Variants in LUC7L3 observed in about 807,000 individuals in gnomAD.
The protein encoded by LUC7L3 is luc7-like protein 3.
A neutral mutation model predicts 66.8 loss-of-function variants in LUC7L3; 6 were observed. The observed-to-expected ratio is 0.09, with a 90% CI of 0.05 to 0.18. The LOEUF (loss-of-function observed/expected upper bound fraction) is 0.18. Ranked by LOEUF, LUC7L3 falls within the 10% of genes least tolerant of loss-of-function variation. LUC7L3 has a pLI of 1.00. For synonymous variants in LUC7L3, 160 were observed against 174.7 expected (o/e 0.92, Z 0.66); for missense variants, 341 against 531.1 (o/e 0.64, Z 3.52).
At chr17:50,728,049 C>T (rs1014268859) in intron 1 of LUC7L3, among the ~76,000 whole-genome samples, 3 of 148,710 alleles carry the variant, frequency 2.0e-5, no homozygotes, top group East Asian at 2.0e-4. Context: ...ACCCGGGAGG[C>T]GGAGCTTGCA....
rs963125115 is a variant in LUC7L3, at chr17:50,755,810, C to T, written c.*5149C>T. 2.6e-5 allele frequency: 4 copies of T among 152,276 alleles called. No homozygotes were observed. The highest frequency in any genetic ancestry group is 2.1e-4 in the South Asian group (1 of 4,830). 9.4% of individuals were successfully genotyped at this position (152,276 alleles called of 1,614,324 possible). On this transcript the variant is annotated 3_prime_UTR_variant, in exon 10 of 10. Coordinates refer to ENST00000505658, the MANE Select transcript of LUC7L3 (RefSeq NM_016424.5). ...AAAAGAAGAAAAAACCCGGGAAGAT[C>T]CCAAGTGTCCACCAACAGTGTGTTG...
At chr17:50,720,090 A>G (rs1968640474) in intron 1 of LUC7L3, among the ~76,000 whole-genome samples, 1 of 152,232 alleles carries the variant, frequency 6.6e-6, no homozygotes, top group African/African-American at 2.4e-5. Flanking sequence ...AGGCGGGGAA[A>G]CGCGGGAAAG....
rs150843533 is a variant in LUC7L3, at chr17:50,727,106, G to C, written c.99+7275G>C. On this transcript the variant is annotated intron_variant, in intron 1 of 9. Transcript: ENST00000505658. ...TTTGTCTCAAAAAAAAAAGAATACA[G>C]TATATAATACAAATAATATACAAAA... Among the ~76,000 whole-genome samples, 1,120 of 152,090 alleles carry C rather than the reference G, an allele frequency of 7.4e-3. 12 individuals carry two copies. Among genetic ancestry groups the C allele is most frequent in the African/African-American group, 0.025 (1,024 of 41,520 alleles).
At chr17:50,730,573 T>G (rs1969536177) in intron 1 of LUC7L3, among the ~76,000 whole-genome samples, 1 of 149,264 alleles carries the variant, frequency 6.7e-6, no homozygotes, top group Non-Finnish European at 1.5e-5. Flanking sequence ...TTGAAAATAT[T>G]TGATTAGCTC....
At chr17:50,727,655 A>C (rs1487939566) in intron 1 of LUC7L3, among the ~76,000 whole-genome samples, 2 of 152,164 alleles carry the variant, frequency 1.3e-5, no homozygotes, top group African/African-American at 2.4e-5. Context: ...GATTGGCAGG[A>C]ATTAGCCTGA....
At chr17:50,724,273 A>C (rs192214188) in intron 1 of LUC7L3, 129 of 169,416 alleles carry the variant, frequency 7.6e-4, no homozygotes, top group African/African-American at 3.0e-3. Context: ...TGTAATCTCA[A>C]CATTGGGAGG....
At chr17:50,729,894 CATTATATA>C (rs1202812798) in intron 1 of LUC7L3, among the ~76,000 whole-genome samples, 5 of 103,290 alleles carry the variant, frequency 4.8e-5, no homozygotes, top group Non-Finnish European at 7.3e-5. Flanking sequence ...AATATAAATA[CATTATATA>C]TATATATATA....
intron 1 of LUC7L3, among the ~76,000 whole-genome samples, 162 bp downstream of exon 1, chr17:50,719,993 C>A (rs1406157405): frequency 1.3e-5 from 2 of 152,184 alleles, no homozygotes; most frequent in Non-Finnish European, 2.9e-5. Context: ...GCTGTCCGGA[C>A]CCGGGGATGG....
intron 1 of LUC7L3, among the ~76,000 whole-genome samples, chr17:50,732,824 C>T (rs1186852783): frequency 6.6e-6 from 1 of 152,166 alleles, no homozygotes; most frequent in Non-Finnish European, 1.5e-5. Flanking sequence ...GCCACCTCCA[C>T]CTTTGAGGCT....
In LUC7L3 at chr17:50,736,941, C is replaced by G. The variant is rs1414186982; in HGVS notation, c.100-19C>G. ...TAAAACCAAGCAATTTTTTAAGTAC[C>G]TTTGTTTTTCTTTACTAGGTTTGTA... On this transcript the variant is annotated intron_variant, in intron 1 of 9. Coordinates refer to ENST00000505658, the MANE Select transcript of LUC7L3 (RefSeq NM_016424.5). 3 of 1,568,060 alleles carry G rather than the reference C, an allele frequency of 1.9e-6. No homozygotes were observed. Among genetic ancestry groups the G allele is most frequent in the Non-Finnish European group, 2.6e-6 (3 of 1,144,996 alleles).
chr17:50,751,081 T>C lies in LUC7L3; in HGVS notation c.*420T>C. On this transcript the variant is annotated 3_prime_UTR_variant, in exon 10 of 10. Coordinates refer to ENST00000505658, the MANE Select transcript of LUC7L3 (RefSeq NM_016424.5). ...TTGTGTTGGTACATTGGCAGAGACA[T>C]ATGCTTTAAAAACTTAAATATTTCG... The C allele has an allele frequency of 6.9e-7, 1 of 1,442,264 alleles. No homozygotes were observed. Among genetic ancestry groups the C allele is most frequent in the East Asian group, 2.5e-5 (1 of 40,124 alleles). 89.3% of individuals were successfully genotyped at this position (1,442,264 alleles called of 1,614,324 possible).
chr17:50,740,334 T>G lies in LUC7L3; in HGVS notation c.195T>G (p.Asn65Lys). 1.2e-6 allele frequency: 2 copies of G among 1,606,712 alleles called. No individual in the cohort carries two copies. The highest frequency in any genetic ancestry group is 2.2e-5 in the South Asian group (2 of 89,292). ...LGPCEKIHDE[N>K]LRKQYEKSSR... Reference sequence around the variant, plus strand: ...CGTGTGAAAAAATTCATGATGAAAATCTACGAAAACAGTAAGTTATTTTGC... The same window carrying G: ...CGTGTGAAAAAATTCATGATGAAAAGCTACGAAAACAGTAAGTTATTTTGC... Residue 65 changes from asparagine (N) to lysine (K), a missense_variant, in exon 3 of 10, where the codon AAT (asparagine) becomes AAG (lysine). By Grantham distance (94) the Asn-to-Lys change is moderately conservative. Coordinates refer to ENST00000505658, the MANE Select transcript of LUC7L3 (RefSeq NM_016424.5).
chr17:50,748,848 T>A (rs1597944201), intron 9 of LUC7L3, among the ~76,000 whole-genome samples: 1 of 151,408 alleles, frequency 6.6e-6, no homozygotes, highest in Non-Finnish European at 1.5e-5. Context: ...AAAAATAAAT[T>A]AATTAAAATC....
At chr17:50,746,766 T>C (rs879047812) in intron 9 of LUC7L3, 64 bp downstream of exon 9, 3 of 1,442,284 alleles carry the variant, frequency 2.1e-6, no homozygotes, top group South Asian at 1.3e-5. Context: ...CCCACTCACT[T>C]TTCTCCAGAC....
chr17:50,733,399 T>TTG (rs386386246), intron 1 of LUC7L3, among the ~76,000 whole-genome samples: 35 of 52,312 alleles, frequency 6.7e-4, no homozygotes, highest in African/African-American at 4.5e-3. Context: ...GCCTGGCTAG[T>TTG]TTTTTTTTTT....
intron 1 of LUC7L3, among the ~76,000 whole-genome samples, chr17:50,720,034 A>T (rs1261415813): frequency 6.6e-6 from 1 of 152,236 alleles, no homozygotes; most frequent in African/African-American, 2.4e-5. Context: ...TCTAGTATCA[A>T]GGGGGTCCGG....
chr17:50,730,039 C>T lies in LUC7L3; in HGVS notation c.100-6921C>T, dbSNP rs547170789. Among the ~76,000 whole-genome samples, 10 of 150,674 alleles carry T rather than the reference C, an allele frequency of 6.6e-5. No homozygotes were observed. In the East Asian group the frequency reaches 2.0e-3, roughly 29 times the overall value. On this transcript the variant is annotated intron_variant, in intron 1 of 9. Transcript: ENST00000505658. ...CACAATCTCAGCTCACTGCAGCTTC[C>T]ACCTCCTGGGCTCTAGCAGTCCTCC... is the stretch of plus-strand genomic sequence containing the variant.
At chr17:50,743,955 G>T in intron 6 of LUC7L3, 145 bp downstream of exon 6, 1 of 631,326 alleles carries the variant, frequency 1.6e-6, no homozygotes, top group Non-Finnish European at 2.8e-6. Context: ...CATCTACTAA[G>T]CTCTGCCTTT....
At position 50,741,723 on chromosome 17, in the gene LUC7L3, C is replaced by T; in HGVS notation, c.418C>T (p.Leu140=). 1 of 1,612,966 alleles carries T rather than the reference C, an allele frequency of 6.2e-7. No homozygotes were observed. Among genetic ancestry groups the T allele is most frequent in the Non-Finnish European group, 8.5e-7 (1 of 1,179,042 alleles). The part of the protein sequence containing the change: ...QVLTDKIDVL[L]QQIEELGSEG... ...TCTAACAGACAAAATTGATGTACTT[C>T]TGCAACAGGTGAGAATTGTGTGCAT... is the stretch of plus-strand genomic sequence containing the variant. Residue 140 remains leucine (L), a synonymous_variant, in exon 5 of 10, where the codon CTG becomes TTG. Transcript: ENST00000505658.
Sources: gnomAD v4.1 joint callset for allele counts (sites outside exome capture counted in the v4.1 genomes callset) on GRCh38, gnomAD v4.1.1 for gene constraint, MANE v1.5 for transcripts, NCBI Gene and HGNC (gene_info 2026-07-23, HGNC 2026-07-21) for gene names.